Variants in HPSE2 observed in about 807,000 individuals in gnomAD.
HPSE2 encodes heparanase 2 (inactive).
Under a neutral mutation model 60.5 loss-of-function variants are expected in HPSE2, and 38 were observed. That is an observed-to-expected ratio of 0.63 (90% CI 0.48 to 0.82). The LOEUF (loss-of-function observed/expected upper bound fraction) is 0.82, where lower values mean the gene tolerates loss of function less well. Among genes scored for constraint, HPSE2 ranks in the 40% least tolerant of loss-of-function variants. HPSE2 has a pLI of 0.00. For synonymous variants in HPSE2, 295 were observed against 293.2 expected, an observed-to-expected ratio of 1.01 and a Z score of -0.06; for missense variants, 713 against 740.4, an observed-to-expected ratio of 0.96 and a Z score of 0.43.
At chr10:98,462,685 C>A in intron 11 of HPSE2, among the ~76,000 whole-genome samples, 1 of 152,092 alleles carries the variant, frequency 6.6e-6, no homozygotes, top group Non-Finnish European at 1.5e-5. Context: ...TGAGAGGGAG[C>A]CATTCCCCTC....
intron 9 of HPSE2, among the ~76,000 whole-genome samples, chr10:98,508,831 C>A (rs1288672474): frequency 1.3e-5 from 2 of 152,078 alleles, no homozygotes; most frequent in African/African-American, 2.4e-5. Context: ...TGGAGCTCAG[C>A]AAGTTAAGGC....
At chr10:99,051,624 A>C (rs1304264959) in intron 3 of HPSE2, among the ~76,000 whole-genome samples, 4 of 152,226 alleles carry the variant, frequency 2.6e-5, no homozygotes, top group Admixed American at 2.6e-4. Context: ...ACTAACTTCC[A>C]AACTGTGAGA....
At chr10:99,230,297 T>C (rs1481871186) in intron 2 of HPSE2, among the ~76,000 whole-genome samples, 1 of 152,058 alleles carries the variant, frequency 6.6e-6, no homozygotes, top group Non-Finnish European at 1.5e-5. Flanking sequence ...GTCTAAAAAA[T>C]GCAAACAGGA....
At chr10:99,284,764 T>C in the HPSE2 span, among the ~76,000 whole-genome samples, 49 of 152,282 alleles carry the variant, frequency 3.2e-4, no homozygotes, top group African/African-American at 1.2e-3. Flanking sequence ...TCATGGGAGT[T>C]TGTTATACAG....
chr10:98,957,004 A>G (rs993501558), intron 3 of HPSE2, among the ~76,000 whole-genome samples: 4 of 152,170 alleles, frequency 2.6e-5, no homozygotes, highest in Admixed American at 2.0e-4. Context: ...GTGCAGGAAA[A>G]CAGTCTGTTG....
intron 9 of HPSE2, among the ~76,000 whole-genome samples, chr10:98,554,379 G>A (rs1943945733): frequency 6.6e-6 from 1 of 152,204 alleles, no homozygotes; most frequent in Non-Finnish European, 1.5e-5. Flanking sequence ...CGTCCTTCAT[G>A]AAGTCTCTCA....
intron 3 of HPSE2, among the ~76,000 whole-genome samples, chr10:98,845,933 T>C (rs768763360): frequency 6.6e-6 from 1 of 152,194 alleles, no homozygotes; most frequent in East Asian, 1.9e-4. Flanking sequence ...TCCCAACCAA[T>C]AGGAATTCTT....
chr10:99,261,467 A>G, the HPSE2 span, among the ~76,000 whole-genome samples: 1 of 152,036 alleles, frequency 6.6e-6, no homozygotes, highest in Non-Finnish European at 1.5e-5. Flanking sequence ...TTTTTTCTTT[A>G]TCTAACCTCT....
intron 2 of HPSE2, among the ~76,000 whole-genome samples, chr10:99,177,591 A>ACCCAAT (rs1426026768): frequency 6.6e-6 from 1 of 152,168 alleles, no homozygotes; most frequent in Admixed American, 6.5e-5. Context: ...ATGTATATGC[A>ACCCAAT]CCCAATACAG....
At chr10:98,838,123 T>C (rs1951833124) in intron 3 of HPSE2, among the ~76,000 whole-genome samples, 1 of 152,178 alleles carries the variant, frequency 6.6e-6, no homozygotes, top group African/African-American at 2.4e-5. Context: ...TTCCTCTCTC[T>C]AATCTCCTAT....
chr10:98,969,965 CT>C (rs34345841), intron 3 of HPSE2, among the ~76,000 whole-genome samples: 22,457 of 146,450 alleles, frequency 0.15, 2,582 homozygotes, highest in African/African-American at 0.32. Context: ...CTGTCACCCA[CT>C]TTTTTTTTTT....
At chr10:99,306,882 G>A in the HPSE2 span, among the ~76,000 whole-genome samples, 35 of 152,092 alleles carry the variant, frequency 2.3e-4, no homozygotes, top group Non-Finnish European at 3.1e-4. Flanking sequence ...AGCTAATTTT[G>A]TATTTTTAGT....
chr10:99,313,568 C>T, the HPSE2 span, among the ~76,000 whole-genome samples: 1 of 143,182 alleles, frequency 7.0e-6, no homozygotes, highest in East Asian at 2.1e-4. Context: ...AAAGCAGCAG[C>T]AGGGTTTGAG....
At chr10:98,646,335 T>TAAAA (rs1236803732) in intron 6 of HPSE2, among the ~76,000 whole-genome samples, 1 of 89,242 alleles carries the variant, frequency 1.1e-5, no homozygotes, top group African/African-American at 3.5e-5. Context: ...TTTTTTTTTT[T>TAAAA]AAAAAAACCC....
chr10:98,644,885 A>G (rs72831963), intron 6 of HPSE2, among the ~76,000 whole-genome samples: 1,553 of 152,300 alleles, frequency 0.01, 13 homozygotes, highest in South Asian at 0.027. Flanking sequence ...ATTCTCAGGT[A>G]ATCTTGGGCT....
intron 3 of HPSE2, among the ~76,000 whole-genome samples, chr10:98,944,328 A>G (rs1413860258): frequency 6.6e-6 from 1 of 152,152 alleles, no homozygotes; most frequent in Non-Finnish European, 1.5e-5. Context: ...GCATTTCTTA[A>G]GGCAAATGGG....
intron 6 of HPSE2, among the ~76,000 whole-genome samples, chr10:98,687,658 T>C (rs2134153476): frequency 1.3e-5 from 2 of 152,318 alleles, no homozygotes; most frequent in South Asian, 4.1e-4. Flanking sequence ...ACATTTACGA[T>C]TATTATGTCT....
intron 4 of HPSE2, among the ~76,000 whole-genome samples, chr10:98,727,622 C>T (rs568375394): frequency 1.3e-5 from 2 of 151,992 alleles, no homozygotes; most frequent in South Asian, 4.2e-4. Flanking sequence ...CACCATTGCA[C>T]TCCAGCCTAG....
chr10:99,015,611 TGAACAATGA>T (rs1957121201), intron 3 of HPSE2, among the ~76,000 whole-genome samples: 2 of 150,090 alleles, frequency 1.3e-5, no homozygotes, highest in South Asian at 4.2e-4. Context: ...AGGTGGGAAT[TGAACAATGA>T]GAACACATGG....
Sources: gnomAD v4.1 joint callset for allele counts (sites outside exome capture counted in the v4.1 genomes callset) on GRCh38, gnomAD v4.1.1 for gene constraint, MANE v1.5 for transcripts, NCBI Gene and HGNC (gene_info 2026-07-23, HGNC 2026-07-21) for gene names.